ANXA8: variants seen among roughly 807,000 people sequenced by gnomAD.
The protein encoded by ANXA8 is annexin A8, also known as VAC-beta.
ANXA8 carries 9 observed loss-of-function variants against 26.8 expected under a neutral mutation model. The observed-to-expected ratio is 0.34, with a 90% CI of 0.20 to 0.59. The LOEUF is 0.59. Ranked by LOEUF, ANXA8 falls within the 20% of genes least tolerant of loss-of-function variation. ANXA8 has a pLI of 0.84. For missense variants in ANXA8, 83 were observed against 238.5 expected (o/e 0.35, Z 4.29); for synonymous variants, 39 against 94.8 (o/e 0.41, Z 3.42).
At chr10:47,647,724 C>A in the ANXA8 span, among the ~76,000 whole-genome samples, 1 of 150,200 alleles carries the variant, frequency 6.7e-6, no homozygotes, top group Non-Finnish European at 1.5e-5. Flanking sequence ...ATATATATTG[C>A]GAAATCTAAA....
the ANXA8 span, among the ~76,000 whole-genome samples, chr10:47,958,257 G>A: frequency 6.7e-6 from 1 of 149,606 alleles, no homozygotes; most frequent in Non-Finnish European, 1.5e-5. Context: ...GGCCGGCAGA[G>A]CACTTGAAAT....
chr10:47,649,255 C>G, the ANXA8 span, among the ~76,000 whole-genome samples: 1 of 150,998 alleles, frequency 6.6e-6, no homozygotes, highest in Non-Finnish European at 1.5e-5. Context: ...AATTAGTAAT[C>G]AATGATACAT....
the ANXA8 span, among the ~76,000 whole-genome samples, chr10:47,673,166 C>G: frequency 2.0e-5 from 3 of 151,664 alleles, no homozygotes; most frequent in South Asian, 6.2e-4. Context: ...TGCACCCACA[C>G]TCCAGCTCCT....
chr10:47,557,313 G>A, the ANXA8 span, among the ~76,000 whole-genome samples: 14 of 151,040 alleles, frequency 9.3e-5, no homozygotes, highest in Non-Finnish European at 1.3e-4. Context: ...CCAGCCTAAA[G>A]TGTGTACTTT....
the ANXA8 span, among the ~76,000 whole-genome samples, chr10:47,969,563 C>T: frequency 4.7e-4 from 68 of 145,578 alleles, 2 homozygotes; most frequent in Middle Eastern, 3.5e-3. Flanking sequence ...GATGGAGTTC[C>T]TTGGCCAGCC....
At chr10:47,556,958 C>T in the ANXA8 span, among the ~76,000 whole-genome samples, 2 of 147,216 alleles carry the variant, frequency 1.4e-5, no homozygotes, top group African/African-American at 2.5e-5. Context: ...CAGAACAGTA[C>T]ATTGATGCTG....
At chr10:47,493,760 G>A in the ANXA8 span, among the ~76,000 whole-genome samples, 1 of 139,288 alleles carries the variant, frequency 7.2e-6, no homozygotes, top group Non-Finnish European at 1.5e-5. Context: ...ATGGTCCCCT[G>A]CCCATGAGAC....
the ANXA8 span, chr10:47,503,219 A>G: frequency 5.0e-6 from 8 of 1,586,702 alleles, 1 homozygote; most frequent in South Asian, 6.6e-5. Flanking sequence ...AGGGTGACGT[A>G]TTTCTTTTTC....
At chr10:47,489,814 T>C in the ANXA8 span, among the ~76,000 whole-genome samples, 2 of 127,582 alleles carry the variant, frequency 1.6e-5, no homozygotes, top group South Asian at 3.0e-4. Context: ...GGCTGGCTTA[T>C]CCTCACAACA....
chr10:47,593,001 CA>C, the ANXA8 span, among the ~76,000 whole-genome samples: 207 of 139,980 alleles, frequency 1.5e-3, 2 homozygotes, highest in Non-Finnish European at 2.6e-3. Context: ...TCTGCTGGGT[CA>C]GGGGAGTGTA....
At chr10:47,755,330 A>G in the ANXA8 span, among the ~76,000 whole-genome samples, 2 of 151,748 alleles carry the variant, frequency 1.3e-5, no homozygotes, top group South Asian at 4.2e-4. Context: ...ATCTCGGCTC[A>G]CTGCAAGCTC....
At chr10:47,733,191 T>TCTCTCTCTCTC in the ANXA8 span, among the ~76,000 whole-genome samples, 1 of 106,540 alleles carries the variant, frequency 9.4e-6, no homozygotes, top group African/African-American at 3.3e-5. Flanking sequence ...CTTTCTTTCT[T>TCTCTCTCTCTC]TCTTTCTTTC....
chr10:47,978,127 T>C, the ANXA8 span, among the ~76,000 whole-genome samples: 2 of 152,070 alleles, frequency 1.3e-5, no homozygotes, highest in African/African-American at 2.4e-5. Flanking sequence ...TGACTTCTTA[T>C]CAAAACCATT....
the ANXA8 span, among the ~76,000 whole-genome samples, chr10:47,646,866 G>A: frequency 6.6e-6 from 1 of 152,168 alleles, no homozygotes; most frequent in East Asian, 1.9e-4. Flanking sequence ...AAACTAAGCA[G>A]TCCCATTTTT....
the ANXA8 span, among the ~76,000 whole-genome samples, chr10:47,969,668 C>T: frequency 2.0e-5 from 3 of 147,308 alleles, no homozygotes; most frequent in Non-Finnish European, 4.6e-5. Flanking sequence ...ACACTGGGTA[C>T]ACCTGGGGGC....
At chr10:47,513,718 C>A in the ANXA8 span, among the ~76,000 whole-genome samples, 31 of 139,474 alleles carry the variant, frequency 2.2e-4, 6 homozygotes, top group African/African-American at 8.0e-4. Flanking sequence ...AATAGAGAAC[C>A]CAGAAATAAA....
At chr10:47,651,302 A>G in the ANXA8 span, among the ~76,000 whole-genome samples, 1 of 151,184 alleles carries the variant, frequency 6.6e-6, no homozygotes, top group Non-Finnish European at 1.5e-5. Context: ...AAAAAACCCA[A>G]AAAACAAAAC....
chr10:47,525,532 G>A, the ANXA8 span, among the ~76,000 whole-genome samples: 1 of 134,434 alleles, frequency 7.4e-6, no homozygotes, highest in African/African-American at 2.9e-5. Flanking sequence ...TCGACACATC[G>A]GGATTATGGG....
chr10:47,653,677 G>C, the ANXA8 span, among the ~76,000 whole-genome samples: 2 of 149,146 alleles, frequency 1.3e-5, no homozygotes, highest in Non-Finnish European at 1.5e-5. Context: ...ACAGAGTCTC[G>C]CTCTGTCGCC....
Sources: gnomAD v4.1 joint callset for allele counts (sites outside exome capture counted in the v4.1 genomes callset) on GRCh38, gnomAD v4.1.1 for gene constraint, MANE v1.5 for transcripts, NCBI Gene and HGNC (gene_info 2026-07-23, HGNC 2026-07-21) for gene names.